Variants in DST observed in about 807,000 individuals in gnomAD.
The protein encoded by DST is bullous pemphigoid antigen.
DST carries 253 observed loss-of-function variants against 875.2 expected under a neutral mutation model. That is an observed-to-expected ratio of 0.29 (90% CI 0.26 to 0.32). The LOEUF (loss-of-function observed/expected upper bound fraction) is 0.32. Among genes scored for constraint, DST ranks in the 10% least tolerant of loss-of-function variants. The pLI is 1.00. For synonymous variants in DST, 3,124 were observed against 3,197.1 expected, an observed-to-expected ratio of 0.98 and a Z score of 0.77; for missense variants, 8,287 against 9,111.6, an observed-to-expected ratio of 0.91 and a Z score of 3.68.
At chr6:56,781,378 T>A (rs2099693478) in intron 4 of DST, among the ~76,000 whole-genome samples, 1 of 152,210 alleles carries the variant, frequency 6.6e-6, no homozygotes, top group East Asian at 1.9e-4. Context: ...TCCATTCGTT[T>A]GTATCCTCTT....
chr6:56,941,214 T>C (rs1370555493), intron 2 of DST, among the ~76,000 whole-genome samples: 1 of 152,206 alleles, frequency 6.6e-6, no homozygotes, highest in African/African-American at 2.4e-5. Context: ...CTGCTTTGGC[T>C]GCACCCCACA....
chr6:56,743,022 C>CT (rs1372610573), intron 4 of DST, among the ~76,000 whole-genome samples: 1 of 152,156 alleles, frequency 6.6e-6, no homozygotes. Flanking sequence ...CTTAAGAAGT[C>CT]TGATTCTAAA....
chr6:56,524,948 A>G (rs987175734), intron 69 of DST, among the ~76,000 whole-genome samples: 3 of 152,178 alleles, frequency 2.0e-5, no homozygotes, highest in Non-Finnish European at 4.4e-5. Flanking sequence ...ATTTTCCTAA[A>G]GGATTCCGGA....
At chr6:56,752,312 G>C (rs2099589734) in intron 4 of DST, among the ~76,000 whole-genome samples, 6 of 151,716 alleles carry the variant, frequency 4.0e-5, no homozygotes. Context: ...AGCTTGGCTT[G>C]ATTTTATGCT....
intron 36 of DST, chr6:56,620,120 G>C (rs1213051634): frequency 6.2e-7 from 1 of 1,613,332 alleles, no homozygotes; most frequent in Non-Finnish European, 8.5e-7. Context: ...CTGTTTCTCT[G>C]CTACCTGTTT....
At chr6:56,952,346 A>T (rs1822786999) in intron 2 of DST, among the ~76,000 whole-genome samples, 1 of 152,188 alleles carries the variant, frequency 6.6e-6, no homozygotes, top group Non-Finnish European at 1.5e-5. Flanking sequence ...TCTATCATTT[A>T]TGTGTGTGGA....
chr6:56,737,069 C>G (rs545258516), intron 4 of DST, among the ~76,000 whole-genome samples: 2 of 152,288 alleles, frequency 1.3e-5, no homozygotes, highest in African/African-American at 2.4e-5. Flanking sequence ...TGGCATGCAC[C>G]TGTAGTCTCA....
intron 5 of DST, among the ~76,000 whole-genome samples, chr6:56,728,885 C>T (rs1046153097): frequency 1.3e-5 from 2 of 151,624 alleles, no homozygotes; most frequent in African/African-American, 2.4e-5. Context: ...CAGAATAACC[C>T]TATTCTTAGG....
chr6:56,591,943 C>T (rs1401998578), intron 49 of DST, among the ~76,000 whole-genome samples: 1 of 135,946 alleles, frequency 7.4e-6, no homozygotes, highest in Non-Finnish European at 1.5e-5. Flanking sequence ...GATCACACTA[C>T]TGCACTCCAG....
chr6:56,861,689 T>A (rs1267105971), intron 3 of DST: 4 of 152,268 alleles, frequency 2.6e-5, no homozygotes, highest in African/African-American at 9.7e-5. Context: ...GGAAGCTATA[T>A]GGCAGGACGG....
chr6:56,677,098 T>TG (rs1259418047), intron 9 of DST, among the ~76,000 whole-genome samples: 4 of 152,186 alleles, frequency 2.6e-5, no homozygotes, highest in Non-Finnish European at 5.9e-5. Flanking sequence ...CATAAGATGT[T>TG]GTACATGATA....
intron 17 of DST, 83 bp downstream of exon 17, chr6:56,641,864 T>G: frequency 9.2e-7 from 1 of 1,088,930 alleles, no homozygotes; most frequent in Non-Finnish European, 1.3e-6. Flanking sequence ...TCATAAAATT[T>G]TCATACTCTA....
intron 9 of DST, among the ~76,000 whole-genome samples, chr6:56,693,707 A>C (rs1440574631): frequency 6.6e-6 from 1 of 152,094 alleles, no homozygotes; most frequent in Non-Finnish European, 1.5e-5. Flanking sequence ...CTTAAGAAAT[A>C]CCAACTAATT....
intron 22 of DST, among the ~76,000 whole-genome samples, chr6:56,638,357 C>T (rs371098784): frequency 6.6e-6 from 1 of 152,136 alleles, no homozygotes; most frequent in African/African-American, 2.4e-5. Context: ...GACACAAAAC[C>T]GTATTTTATA....
rs190105379 is a variant in DST at position 56,582,744 on chromosome 6, C to A, written c.12904-3807G>T. 5.3e-5 allele frequency among the ~76,000 whole-genome samples: 8 copies of A among 152,124 alleles called. No individual in the cohort carries two copies. In the East Asian group the frequency reaches 5.8e-4, roughly 11 times the overall value. On this transcript the variant is annotated intron_variant, in intron 49 of 103. Transcript: ENST00000680361. ...ATATCTCCTAATGCTATCTCTCCCC[C>A]CTACCCCCACCCCACAACAGGCCCC...
At chr6:56,548,667 A>C (rs2097268913) in intron 61 of DST, among the ~76,000 whole-genome samples, 1 of 152,198 alleles carries the variant, frequency 6.6e-6, no homozygotes, top group African/African-American at 2.4e-5. Context: ...TCGCCCTGCT[A>C]TTCATTCCAC....
intron 9 of DST, among the ~76,000 whole-genome samples, chr6:56,680,730 C>T (rs1432708403): frequency 2.0e-5 from 3 of 152,014 alleles, no homozygotes; most frequent in Non-Finnish European, 2.9e-5. Flanking sequence ...CTTTCCTCCA[C>T]TCTCCTCACT....
At chr6:56,619,944 G>C (rs886061648) in intron 36 of DST, 1 of 1,614,044 alleles carries the variant, frequency 6.2e-7, no homozygotes, top group Middle Eastern at 1.6e-4. Context: ...TGCTGTTTGA[G>C]TTCTTCTGCT....
chr6:56,811,357 C>G (rs751363418), intron 4 of DST, among the ~76,000 whole-genome samples: 24 of 152,052 alleles, frequency 1.6e-4, no homozygotes, highest in Non-Finnish European at 3.1e-4. Context: ...GTCCTCTCCC[C>G]CTGCTACCAG....
Sources: allele counts gnomAD v4.1 joint callset (sites outside exome capture counted in the v4.1 genomes callset), GRCh38; gene constraint gnomAD v4.1.1; transcripts MANE v1.5; gene names NCBI Gene and HGNC (gene_info 2026-07-23, HGNC 2026-07-21).